Variants in ANKFY1 observed in about 807,000 individuals in gnomAD.
ANKFY1 encodes the protein ankyrin repeat and FYVE domain-containing protein 1.
A neutral mutation model predicts 128.3 loss-of-function variants in ANKFY1; 47 were observed. The observed-to-expected ratio is 0.37, with a 90% confidence interval of 0.29 to 0.47. The LOEUF is 0.47. Ranked by LOEUF, ANKFY1 falls within the 20% of genes least tolerant of loss-of-function variation. The pLI is 1.00. For synonymous variants in ANKFY1, 553 were observed against 601.6 expected, an observed-to-expected ratio of 0.92 and a Z score of 1.18; for missense variants, 1,222 against 1,510.6, an observed-to-expected ratio of 0.81 and a Z score of 3.17.
chr17:4,174,628 C>T (rs1007700712), intron 19 of ANKFY1, among the ~76,000 whole-genome samples: 7 of 152,088 alleles, frequency 4.6e-5, no homozygotes, highest in South Asian at 2.1e-4. Context: ...TGCCATACTC[C>T]GAAGAGCTGG....
intron 16 of ANKFY1, chr17:4,180,135 G>A (rs966029001): frequency 8.4e-6 from 4 of 477,568 alleles, no homozygotes; most frequent in Non-Finnish European, 1.5e-5. Context: ...TACATTTAAA[G>A]CCTGAGAACC....
At chr17:4,189,028 GA>G (rs1293880946) in intron 11 of ANKFY1, among the ~76,000 whole-genome samples, 2 of 152,156 alleles carry the variant, frequency 1.3e-5, no homozygotes, top group Non-Finnish European at 2.9e-5. Flanking sequence ...ATCCACAGAG[GA>G]AAACCCAAGC....
chr17:4,213,566 C>A (rs1028865880), intron 4 of ANKFY1, among the ~76,000 whole-genome samples: 10 of 135,388 alleles, frequency 7.4e-5, no homozygotes, highest in African/African-American at 1.9e-4. Context: ...ATATTTATTT[C>A]TTTTTTTTTT....
At chr17:4,168,191 G>A (rs913093647) in intron 24 of ANKFY1, 26 of 225,970 alleles carry the variant, frequency 1.2e-4, no homozygotes, top group Non-Finnish European at 2.0e-4. Flanking sequence ...GGTGGCTCAC[G>A]CCTGTAATCC....
chr17:4,200,497 TC>T (rs1441946576), intron 7 of ANKFY1, among the ~76,000 whole-genome samples: 1 of 152,220 alleles, frequency 6.6e-6, no homozygotes, highest in Non-Finnish European at 1.5e-5. Flanking sequence ...AGAGGTACTT[TC>T]TGCAGATTCC....
rs2059342898 is a variant in ANKFY1 at position 4,172,661 on chromosome 17, T to C, written c.3034A>G (p.Ile1012Val). ...TTCTCCTTGCCATATTGTCCCAAAA[T>C]GTGCAGTGGTGACTGGCCTCTGATA... ...FNLRGQSPLHILGQYGKENAA... is the reference protein window; with the variant it reads ...FNLRGQSPLHVLGQYGKENAA... Residue 1012 changes from isoleucine to valine, a missense_variant, in exon 22 of 25, where the codon ATT becomes GTT. Physicochemically the swap from Ile to Val is conservative, Grantham distance 29 (BLOSUM62 3). Coordinates refer to ENST00000341657, the MANE Select transcript of ANKFY1 (RefSeq NM_001330063.2). 6.2e-7 allele frequency: 1 copy of C among 1,614,062 alleles called. No individual in the cohort carries two copies. The highest frequency in any genetic ancestry group is 2.2e-5 in the East Asian group (1 of 44,888).
chr17:4,208,758 C>T lies in ANKFY1; in HGVS notation c.583-676G>A, dbSNP rs2060071245. Among the ~76,000 whole-genome samples, 4 of 152,070 alleles carry T rather than the reference C, an allele frequency of 2.6e-5. No individual in the cohort carries two copies. The South Asian group carries it at 8.3e-4, about 31-fold the overall frequency. ...ATTCTAAAACTGCAAACAACAACAA[C>T]AAAATGTAAACACTGGCCGGGCGCA... On this transcript the variant is annotated intron_variant, in intron 5 of 24. Transcript: ENST00000341657.
intron 3 of ANKFY1, among the ~76,000 whole-genome samples, chr17:4,234,546 C>T (rs566296001): frequency 6.6e-6 from 1 of 151,652 alleles, no homozygotes; most frequent in African/African-American, 2.4e-5. Context: ...GTTCTGTTGC[C>T]CAGGCTGGAA....
intron 7 of ANKFY1, among the ~76,000 whole-genome samples, chr17:4,198,745 A>C (rs1307355443): frequency 1.3e-5 from 2 of 152,246 alleles, no homozygotes; most frequent in Non-Finnish European, 2.9e-5. Context: ...ATATTTGAAC[A>C]GAGTATCTGT....
At chr17:4,229,939 AC>A (rs2060487397) in intron 3 of ANKFY1, among the ~76,000 whole-genome samples, 1 of 152,176 alleles carries the variant, frequency 6.6e-6, no homozygotes, top group African/African-American at 2.4e-5. Context: ...ATTTGAATCC[AC>A]CTTTGCAGGG....
intron 1 of ANKFY1, among the ~76,000 whole-genome samples, chr17:4,243,178 T>G (rs1178497684): frequency 3.3e-5 from 5 of 152,150 alleles, no homozygotes; most frequent in Non-Finnish European, 7.4e-5. Context: ...GCGATTCTCC[T>G]GCCTCAGCCT....
intron 3 of ANKFY1, among the ~76,000 whole-genome samples, chr17:4,231,894 A>T (rs1431557752): frequency 6.6e-6 from 1 of 151,672 alleles, no homozygotes; most frequent in Non-Finnish European, 1.5e-5. Flanking sequence ...CCGTGATTGC[A>T]CCATGGCACT....
chr17:4,221,915 C>T (rs893739498), intron 3 of ANKFY1, among the ~76,000 whole-genome samples: 3 of 152,214 alleles, frequency 2.0e-5, no homozygotes, highest in African/African-American at 7.2e-5. Context: ...CCATGCCCAG[C>T]CCTATTGTTT....
intron 7 of ANKFY1, among the ~76,000 whole-genome samples, chr17:4,201,153 C>T (rs1205398518): frequency 6.6e-6 from 1 of 152,202 alleles, no homozygotes; most frequent in Non-Finnish European, 1.5e-5. Flanking sequence ...GCCTCAGCCT[C>T]CCAAGTAGCT....
At chr17:4,238,723 C>T (rs1305606093) in intron 2 of ANKFY1, among the ~76,000 whole-genome samples, 1 of 151,816 alleles carries the variant, frequency 6.6e-6, no homozygotes, top group East Asian at 1.9e-4. Flanking sequence ...CTCAACCTCT[C>T]AAAAAGTGCT....
At position 4,242,374 on chromosome 17, in the gene ANKFY1, C is replaced by G. The variant is rs768063911; in HGVS notation, c.85G>C (p.Glu29Gln). The G allele has an allele frequency of 6.2e-7, 1 of 1,605,054 alleles. No homozygotes were observed. ...AAGAGAGCGCAGCGCTTCTCTGTCT[C>G]CGCCAGCTTCTTCTGCAGCTTGACA... The part of the protein sequence containing the change: ...EYVKLQKKLA[E>Q]TEKRCALLAA... The change falls in exon 2 of 25, where the codon GAG becomes CAG. Residue 29 changes from glutamate to glutamine, a missense_variant. Transcript: ENST00000341657.
rs376521982 is a variant in ANKFY1, at chr17:4,169,207, T to C, written c.3368A>G (p.Lys1123Arg). 3.2e-6 allele frequency: 5 copies of C among 1,552,358 alleles called. No homozygotes were observed. The highest frequency in any genetic ancestry group is 4.4e-6 in the Non-Finnish European group (5 of 1,147,370). ...CTARFGVTTRKHHCRHCGRLL... is the reference protein window; with the variant it reads ...CTARFGVTTRRHHCRHCGRLL... Reference sequence around the variant, plus strand: ...GACGCTGGGGTCTTACCAGTGGTGTTTGCGAGTGGTGACTCCGAACCTGGC... The same window carrying C: ...GACGCTGGGGTCTTACCAGTGGTGTCTGCGAGTGGTGACTCCGAACCTGGC... The change falls in exon 24 of 25, where the codon AAA (lysine) becomes AGA (arginine). Residue 1123 changes from lysine (K) to arginine (R), a missense_variant. Coordinates refer to ENST00000341657, the MANE Select transcript of ANKFY1 (RefSeq NM_001330063.2). The surrounding 1 kb of genome is among the most constrained non-coding windows in gnomAD (Gnocchi z 5.0).
In ANKFY1 at chr17:4,164,092, A is replaced by C. The variant is rs1056750894; in HGVS notation, c.*3687T>G. ...GGCTGGAAGCCAGGTGATCCACCCA[A>C]ATGTGTGCCTGCAGTTTCTGCCCAG... On this transcript the variant is annotated 3_prime_UTR_variant, in exon 25 of 25. Coordinates refer to ENST00000341657, the MANE Select transcript of ANKFY1 (RefSeq NM_001330063.2). 1.3e-5 allele frequency: 2 copies of C among 152,586 alleles called. No homozygotes were observed. Among genetic ancestry groups the C allele is most frequent in the African/African-American group, 4.8e-5 (2 of 41,422 alleles). The allele number at this position is 152,586 out of a possible 1,614,324, so 9.5% of individuals were successfully genotyped here.
chr17:4,231,807 C>T (rs2060516257), intron 3 of ANKFY1, among the ~76,000 whole-genome samples: 1 of 150,718 alleles, frequency 6.6e-6, no homozygotes, highest in Non-Finnish European at 1.5e-5. Flanking sequence ...CATGGTAGCA[C>T]ACACCTGTGG....
Sources: allele counts gnomAD v4.1 joint callset (sites outside exome capture counted in the v4.1 genomes callset), GRCh38; gene constraint gnomAD v4.1.1; non-coding constraint Gnocchi (gnomAD v3.1); transcripts MANE v1.5; gene names NCBI Gene and HGNC (gene_info 2026-07-23, HGNC 2026-07-21).